CHCHD4: variants seen among roughly 807,000 people sequenced by gnomAD.
The protein encoded by CHCHD4 is coiled-coil-helix-coiled-coil-helix domain containing 4, also known as mitochondrial intermembrane space import and assembly protein 40.
A neutral mutation model predicts 12.4 loss-of-function variants in CHCHD4; 7 were observed. The ratio of observed to expected loss-of-function variants is 0.57; its 90% confidence interval spans 0.32 to 1.06. The LOEUF is 1.06. Among genes scored for constraint, CHCHD4 ranks in the 50% least tolerant of loss-of-function variants. CHCHD4 has a pLI of 0.04. For missense variants in CHCHD4, 143 were observed against 175.1 expected (o/e 0.82, Z 1.03); for synonymous variants, 56 against 58.0 (o/e 0.97, Z 0.16).
intron 1 of CHCHD4, among the ~76,000 whole-genome samples, chr3:14,117,741 G>T (rs549635182): frequency 1.3e-3 from 203 of 152,304 alleles, no homozygotes; most frequent in African/African-American, 4.7e-3. Context: ...TCGCCACCCT[G>T]AGAGGGAGGT....
intron 1 of CHCHD4, among the ~76,000 whole-genome samples, chr3:14,123,789 G>A (rs4685073): frequency 0.055 from 8,376 of 152,260 alleles, 559 homozygotes; most frequent in East Asian, 0.22. Flanking sequence ...GGGAGCTCAG[G>A]GCCAAGGAGC....
At chr3:14,118,288 C>T (rs1315919995) in intron 1 of CHCHD4, among the ~76,000 whole-genome samples, 2 of 152,212 alleles carry the variant, frequency 1.3e-5, no homozygotes, top group African/African-American at 2.4e-5. Flanking sequence ...AGAAACGTGG[C>T]CCTGTGAAAG....
At chr3:14,116,608 C>T in intron 1 of CHCHD4, 84 bp from the exon 2 acceptor site, 1 of 992,522 alleles carries the variant, frequency 1.0e-6, no homozygotes, top group Admixed American at 1.7e-5. Flanking sequence ...CCACACAAAC[C>T]AAGTTTGAAG....
chr3:14,118,491 C>G (rs763049673), intron 1 of CHCHD4, among the ~76,000 whole-genome samples: 3 of 152,228 alleles, frequency 2.0e-5, no homozygotes, highest in Non-Finnish European at 4.4e-5. Context: ...AAGGACAGTT[C>G]AGGGGACAGA....
intron 1 of CHCHD4, among the ~76,000 whole-genome samples, chr3:14,122,750 T>C (rs1026862202): frequency 4.6e-5 from 7 of 151,960 alleles, no homozygotes; most frequent in Non-Finnish European, 8.8e-5. Flanking sequence ...GGAAGTAAGA[T>C]GGCAAAAAAT....
At chr3:14,123,368 G>A (rs993986133) in intron 1 of CHCHD4, among the ~76,000 whole-genome samples, 2 of 152,178 alleles carry the variant, frequency 1.3e-5, no homozygotes, top group African/African-American at 4.8e-5. Context: ...AGTGGTGAGG[G>A]CAGAGGACTT....
At chr3:14,116,684 A>C (rs1338286531) in intron 1 of CHCHD4, among the ~76,000 whole-genome samples, 160 bp from the exon 2 acceptor site, 1 of 151,638 alleles carries the variant, frequency 6.6e-6, no homozygotes, top group African/African-American at 2.4e-5. Flanking sequence ...AGGGGTAGCA[A>C]ACAAAAGCGG....
intron 1 of CHCHD4, among the ~76,000 whole-genome samples, chr3:14,117,851 C>T (rs1386239489): frequency 6.6e-6 from 1 of 152,176 alleles, no homozygotes; most frequent in African/African-American, 2.4e-5. Context: ...TGTTGGAGAT[C>T]CTTTCTACAC....
chr3:14,115,972 C>T (rs1375505257), intron 2 of CHCHD4, among the ~76,000 whole-genome samples: 1 of 152,214 alleles, frequency 6.6e-6, no homozygotes, highest in Non-Finnish European at 1.5e-5. Flanking sequence ...TTAGCTGACT[C>T]CTGCTGCTAG....
At position 14,120,501 on chromosome 3, in the gene CHCHD4, G is replaced by A. The variant is rs56700139; in HGVS notation, c.23-3977C>T. Among the ~76,000 whole-genome samples the A allele has an allele frequency of 4.1e-3, 628 of 152,142 alleles. 4 individuals carry two copies. Among genetic ancestry groups the A allele is most frequent in the African/African-American group, 0.014 (593 of 41,506 alleles). Reference sequence around the variant, plus strand: ...CCCTTCCCTCAGGTACCCTCACAGCGATTTCTCCCTGCTTTCACCTCCTGC... The same window carrying A: ...CCCTTCCCTCAGGTACCCTCACAGCAATTTCTCCCTGCTTTCACCTCCTGC... On this transcript the variant is annotated intron_variant, in intron 1 of 2. Coordinates refer to ENST00000396914, the MANE Select transcript of CHCHD4 (RefSeq NM_001098502.2).
At position 14,113,053 on chromosome 3, in the gene CHCHD4, A is replaced by G; in HGVS notation, c.263T>C (p.Val88Ala). The G allele has an allele frequency of 6.2e-7, 1 of 1,613,974 alleles. No individual in the cohort carries two copies. Among genetic ancestry groups the G allele is most frequent in the South Asian group, 1.1e-5 (1 of 91,060 alleles). The change falls in exon 3 of 3, where the codon GTA becomes GCA. Residue 88 changes from valine (V) to alanine (A), a missense_variant. Val to Ala is a moderately conservative substitution (Grantham distance 64). Coordinates refer to ENST00000396914, the MANE Select transcript of CHCHD4 (RefSeq NM_001098502.2). ...STEEIKGSDC[V>A]DQFRAMQECM... ...TTCCTGCATGGCCCGGAACTGGTCT[A>G]CACAGTCTGACCCCTTGATCTCCTC...
chr3:14,121,792 G>A lies in CHCHD4; in HGVS notation c.22+2863C>T. On this transcript the variant is annotated intron_variant, in intron 1 of 2. Transcript: ENST00000396914. ...TGACTGCTAAGGACTTTCATGTTTA[G>A]AATCTAACCCCTTTGAAAGATACAA... 23 of 1,528,436 alleles carry A rather than the reference G, an allele frequency of 1.5e-5. No individual in the cohort carries two copies. In the South Asian group the frequency reaches 2.6e-4, roughly 17 times the overall value. 94.7% of individuals were successfully genotyped at this position (1,528,436 alleles called of 1,614,324 possible).
chr3:14,122,105 G>T, intron 1 of CHCHD4: 1 of 1,560,564 alleles, frequency 6.4e-7, no homozygotes, highest in Non-Finnish European at 8.6e-7. Flanking sequence ...CAAAAGGAGG[G>T]TTTTAAGTAG....
chr3:14,124,607 C>G, intron 1 of CHCHD4, 48 bp downstream of exon 1: 1 of 1,467,848 alleles, frequency 6.8e-7, no homozygotes, highest in Non-Finnish European at 9.0e-7. Flanking sequence ...CCGCGTGTCT[C>G]CCGCAGGCCC....
intron 1 of CHCHD4, among the ~76,000 whole-genome samples, chr3:14,123,252 C>A (rs768707309): frequency 6.6e-6 from 1 of 152,126 alleles, no homozygotes; most frequent in Non-Finnish European, 1.5e-5. Context: ...TGTAAATCCT[C>A]AAAGAGGAGG....
intron 1 of CHCHD4, chr3:14,121,786 T>C (rs1343294568): frequency 1.5e-5 from 23 of 1,508,304 alleles, no homozygotes; most frequent in Non-Finnish European, 2.0e-5. Context: ...AGGACTTTCA[T>C]GTTTAGAATC....
intron 2 of CHCHD4, among the ~76,000 whole-genome samples, chr3:14,113,496 A>G (rs990500098): frequency 6.6e-6 from 1 of 152,202 alleles, no homozygotes; most frequent in Non-Finnish European, 1.5e-5. Flanking sequence ...AAAGAAGAGG[A>G]GATCACTTGG....
At chr3:14,119,772 C>G (rs1694913397) in intron 1 of CHCHD4, among the ~76,000 whole-genome samples, 2 of 152,134 alleles carry the variant, frequency 1.3e-5, no homozygotes, top group South Asian at 4.1e-4. Context: ...AACTGGAGTT[C>G]AAATCTGGGC....
intron 1 of CHCHD4, among the ~76,000 whole-genome samples, chr3:14,117,400 C>T (rs1456570661): frequency 6.6e-6 from 1 of 152,198 alleles, no homozygotes; most frequent in Non-Finnish European, 1.5e-5. Context: ...CATTCACTGC[C>T]TTAGAGTGAC....
Sources: allele counts gnomAD v4.1 joint callset (sites outside exome capture counted in the v4.1 genomes callset), GRCh38; gene constraint gnomAD v4.1.1; transcripts MANE v1.5; gene names NCBI Gene and HGNC (gene_info 2026-07-23, HGNC 2026-07-21).